SKOR2: variants seen among roughly 807,000 people sequenced by gnomAD.
SKOR2 encodes SKI family transcriptional corepressor 2.
A neutral mutation model predicts 69.1 loss-of-function variants in SKOR2; 47 were observed. The ratio of observed to expected loss-of-function variants is 0.68; its 90% CI spans 0.54 to 0.87. SKOR2 has a LOEUF of 0.87. SKOR2 is among the 40% of genes least tolerant of loss of function. SKOR2 has a pLI of 0.00. For missense variants in SKOR2, 1,404 were observed against 1,472.2 expected, an observed-to-expected ratio of 0.95 and a Z score of 0.76; for synonymous variants, 717 against 672.6, an observed-to-expected ratio of 1.07 and a Z score of -1.02.
At position 47,217,399 on chromosome 18, in the gene SKOR2, C is replaced by A. The variant is rs16950082; in HGVS notation, c.2985+2544G>T. Among the ~76,000 whole-genome samples the A allele has an allele frequency of 6.2e-3, 944 of 152,276 alleles. 5 individuals carry two copies. Among genetic ancestry groups the A allele is most frequent in the African/African-American group, 0.021 (865 of 41,558 alleles). On this transcript the variant is annotated intron_variant, in intron 7 of 8. Coordinates refer to ENST00000425639, the MANE Select transcript of SKOR2 (RefSeq NM_001278063.4). ...TGAACTATATGGGATGGGTCTCAAT[C>A]CCAAGTTACAGATGTTAAAGCTCAT...
intron 2 of SKOR2, among the ~76,000 whole-genome samples, chr18:47,246,338 A>G (rs1008626300): frequency 6.6e-6 from 1 of 152,214 alleles, no homozygotes; most frequent in Non-Finnish European, 1.5e-5. Flanking sequence ...CTGAAATATA[A>G]GAGGGAAAGG....
intron 1 of SKOR2, among the ~76,000 whole-genome samples, chr18:47,250,828 G>A (rs1209607514): frequency 6.6e-6 from 1 of 152,190 alleles, no homozygotes; most frequent in Non-Finnish European, 1.5e-5. Flanking sequence ...TCAAGGCGCA[G>A]TGACACCCGA....
At position 47,244,979 on chromosome 18, in the gene SKOR2, T is replaced by C. The variant is rs1036328143; in HGVS notation, c.2681A>G (p.Lys894Arg). The part of the protein sequence containing the change: ...STKDDNSFSD[K>R]NKEHSFFITD... ...GATGAAAAAGCTATGCTCCTTGTTCTTATCTAGAACCAAAACAAAACACAA... is the reference window on the plus strand; with the variant it reads ...GATGAAAAAGCTATGCTCCTTGTTCCTATCTAGAACCAAAACAAAACACAA... The change falls in exon 4 of 9, where the codon AAG becomes AGG. Residue 894 changes from lysine to arginine, a missense_variant. Around this residue, in one of 3 missense-constraint regions of SKOR2, gnomAD observed 1,266 missense variants for 1,309.9 expected, o/e 0.97. Transcript: ENST00000425639. The C allele has an allele frequency of 3.3e-6, 5 of 1,534,494 alleles. No individual in the cohort carries two copies. Among genetic ancestry groups the C allele is most frequent in the Non-Finnish European group, 3.5e-6 (4 of 1,146,118 alleles).
At chr18:47,228,712 T>G (rs1218844299) in intron 6 of SKOR2, among the ~76,000 whole-genome samples, 1 of 152,196 alleles carries the variant, frequency 6.6e-6, no homozygotes, top group Non-Finnish European at 1.5e-5. Flanking sequence ...CTGTGCAGTC[T>G]TTCTTAAGAT....
chr18:47,216,463 A>G (rs1462960164), intron 7 of SKOR2, among the ~76,000 whole-genome samples: 2 of 152,190 alleles, frequency 1.3e-5, no homozygotes, highest in Non-Finnish European at 2.9e-5. Context: ...TCTCACATTG[A>G]GATAAGTACA....
intron 6 of SKOR2, among the ~76,000 whole-genome samples, chr18:47,221,708 T>G (rs2684838): frequency 0.56 from 84,534 of 152,102 alleles, 23,621 homozygotes; most frequent in Middle Eastern, 0.62. Flanking sequence ...ACCCTGTCCA[T>G]ACCTGTATTA....
chr18:47,247,520 T>A lies in SKOR2; in HGVS notation c.1664A>T (p.Asp555Val), dbSNP rs1357106413. The change falls in exon 2 of 9, where the codon GAC (aspartate) becomes GTC (valine). Residue 555 changes from aspartate to valine, a missense_variant. Coordinates refer to ENST00000425639, the MANE Select transcript of SKOR2 (RefSeq NM_001278063.4). The surrounding 1 kb of genome is among the most constrained non-coding windows in gnomAD (Gnocchi z 6.6). ...GCCCGGGGGCGACTCGAAGAGCGCG[T>A]CGCGAGAGCCGGCGCCCCCGGCAGG... is the stretch of plus-strand genomic sequence containing the variant. ...PPPAGGAGSR[D>V]ALFESPPGGS... 5.0e-6 allele frequency: 6 copies of A among 1,211,734 alleles called. No homozygotes were observed. The highest frequency in any genetic ancestry group is 8.8e-5 in the Admixed American group (2 of 22,772). 75.1% of individuals were successfully genotyped at this position (1,211,734 alleles called of 1,614,324 possible).
At chr18:47,213,207 C>T (rs1389677990) in intron 7 of SKOR2, among the ~76,000 whole-genome samples, 1 of 151,812 alleles carries the variant, frequency 6.6e-6, no homozygotes, top group Non-Finnish European at 1.5e-5. Context: ...ATGTTACCGA[C>T]CTTCATCATT....
At chr18:47,221,734 A>C (rs1303579932) in intron 6 of SKOR2, among the ~76,000 whole-genome samples, 1 of 152,166 alleles carries the variant, frequency 6.6e-6, no homozygotes, top group Non-Finnish European at 1.5e-5. Flanking sequence ...TCCATAATAC[A>C]TGCTATGATT....
At chr18:47,218,383 A>C (rs561850696) in intron 7 of SKOR2, among the ~76,000 whole-genome samples, 1 of 152,146 alleles carries the variant, frequency 6.6e-6, no homozygotes, top group African/African-American at 2.4e-5. Flanking sequence ...GGAGGCCAGA[A>C]GTTTAAGACC....
Position 47,207,077 on chromosome 18 carries a change from C to T in SKOR2, c.*4-185G>A, listed in dbSNP as rs541469554. On this transcript the variant is annotated intron_variant, in intron 8 of 8. Coordinates refer to ENST00000425639, the MANE Select transcript of SKOR2 (RefSeq NM_001278063.4). ...TACTAAACAAGAGTGTGCTGGTTTGCTGTGTGCTTTTCACAGTAAAGCCAT... is the reference window on the plus strand; with the variant it reads ...TACTAAACAAGAGTGTGCTGGTTTGTTGTGTGCTTTTCACAGTAAAGCCAT... Among the ~76,000 whole-genome samples the T allele has an allele frequency of 2.0e-5, 3 of 152,154 alleles. No homozygotes were observed. The East Asian group carries it at 5.8e-4, about 29-fold the overall frequency.
intron 6 of SKOR2, among the ~76,000 whole-genome samples, chr18:47,229,881 A>G (rs1414243501): frequency 1.3e-5 from 2 of 152,196 alleles, no homozygotes; most frequent in East Asian, 1.9e-4. Context: ...TTAGGCTACA[A>G]TATCTCCTGC....
intron 4 of SKOR2, among the ~76,000 whole-genome samples, chr18:47,238,782 G>A (rs562467731): frequency 6.6e-6 from 1 of 152,256 alleles, no homozygotes; most frequent in East Asian, 1.9e-4. Flanking sequence ...TCTGTGTTCT[G>A]CTGCAGGGGA....
chr18:47,247,575 C>T lies in SKOR2; in HGVS notation c.1609G>A (p.Ala537Thr). Reference protein sequence around the residue: ...PPPGQPPQVVANGPGSGPPPP... With the variant: ...PPPGQPPQVVTNGPGSGPPPP... The stretch of plus-strand genomic sequence containing the variant: ...GGTGGGCCGGAGCCCGGGCCGTTGG[C>T]CACTACCTGCGGGGGCTGCCCCGGC... The change falls in exon 2 of 9, where the codon GCC (alanine) becomes ACC (threonine). Residue 537 changes from alanine (A) to threonine (T), a missense_variant. Ala to Thr is a moderately conservative substitution (Grantham distance 58, BLOSUM62 0). Transcript: ENST00000425639. The surrounding 1 kb of genome is among the most constrained non-coding windows in gnomAD (Gnocchi z 6.6). 8.0e-7 allele frequency: 1 copy of T among 1,247,608 alleles called. No individual in the cohort carries two copies. 77.3% of individuals were successfully genotyped at this position (1,247,608 alleles called of 1,614,324 possible).
chr18:47,250,242 A>G, intron 1 of SKOR2, among the ~76,000 whole-genome samples: 1 of 152,190 alleles, frequency 6.6e-6, no homozygotes, highest in Non-Finnish European at 1.5e-5. Context: ...CAATCGGTGG[A>G]CTAGGTAATC....
At chr18:47,230,616 G>C in intron 5 of SKOR2, 59 bp from the exon 6 acceptor site, 1 of 1,055,812 alleles carries the variant, frequency 9.5e-7, no homozygotes, top group Non-Finnish European at 1.3e-6. Flanking sequence ...CCAGAGAACT[G>C]TTATATATGG....
chr18:47,214,817 C>T (rs1254508395), intron 7 of SKOR2, among the ~76,000 whole-genome samples: 1 of 151,988 alleles, frequency 6.6e-6, no homozygotes, highest in African/African-American at 2.4e-5. Context: ...TTTAGAGGCT[C>T]AATTTAAACT....
intron 1 of SKOR2, among the ~76,000 whole-genome samples, chr18:47,250,394 G>C (rs2064307133): frequency 6.6e-6 from 1 of 152,202 alleles, no homozygotes; most frequent in African/African-American, 2.4e-5. Flanking sequence ...AGAAATTTTA[G>C]TGACAATGCC....
chr18:47,219,836 T>C (rs772318349), intron 7 of SKOR2, 107 bp downstream of exon 7: 27 of 963,462 alleles, frequency 2.8e-5, no homozygotes, highest in Non-Finnish European at 3.9e-5. Context: ...GAGAGGTAAG[T>C]GGACCAAAGG....
Sources: gnomAD v4.1 joint callset for allele counts (sites outside exome capture counted in the v4.1 genomes callset) on GRCh38, gnomAD v4.1.1 for gene constraint, gnomAD v4.1.1 regional missense constraint, Gnocchi (gnomAD v3.1) non-coding constraint, MANE v1.5 for transcripts, NCBI Gene and HGNC (gene_info 2026-07-23, HGNC 2026-07-21) for gene names.